The following PREX1 variants were observed in gnomAD, a reference collection of about 807,000 sequenced individuals.
The protein encoded by PREX1 is phosphatidylinositol-3,4,5-trisphosphate dependent Rac exchange factor 1, also known as phosphatidylinositol 3,4,5-trisphosphate-dependent Rac exchanger 1 protein.
In PREX1, 41 loss-of-function variants were observed where a neutral mutation model predicts 198.3. That is an observed-to-expected ratio of 0.21 (90% CI 0.16 to 0.27). The LOEUF (loss-of-function observed/expected upper bound fraction) is 0.27. Among genes scored for constraint, PREX1 ranks in the 10% least tolerant of loss-of-function variants. The pLI is 1.00. For missense variants in PREX1, 1,620 were observed against 2,200.7 expected (o/e 0.74, Z 5.28); for synonymous variants, 843 against 887.2 (o/e 0.95, Z 0.89).
rs964989048 is a variant in PREX1, at chr20:48,827,493, G to C, written c.219+149C>G. 1.9e-6 allele frequency: 1 copy of C among 513,784 alleles called. No homozygotes were observed. Among genetic ancestry groups the C allele is most frequent in the African/African-American group, 2.0e-5 (1 of 49,312 alleles). The allele number at this position is 513,784 out of a possible 1,614,324, so 31.8% of individuals were successfully genotyped here. ...GAGGCGACGCGACAGCTCTGGAGGA[G>C]CTCGGATCCCCCCCGCTTTCCGCGC... On this transcript the variant is annotated intron_variant, in intron 1 of 39. Transcript: ENST00000371941. This position sits in a 1 kb window ranked among gnomAD's most constrained non-coding sequence, Gnocchi z 4.1.
chr20:48,879,848 AT>A, the PREX1 span, among the ~76,000 whole-genome samples: 7 of 152,250 alleles, frequency 4.6e-5, no homozygotes, highest in Admixed American at 3.9e-4. Flanking sequence ...CTCTACCCTT[AT>A]TTCTACATCA....
At chr20:48,629,368 C>A in intron 37 of PREX1, 81 bp downstream of exon 37, 1 of 1,527,232 alleles carries the variant, frequency 6.5e-7, no homozygotes, top group Non-Finnish European at 8.9e-7. Flanking sequence ...AGCCTTCCTG[C>A]CTCCTTGCCA....
Position 48,666,154 on chromosome 20 carries a change from C to T in PREX1, c.1738+129G>A, listed in dbSNP as rs547929769. The T allele has an allele frequency of 6.8e-6, 6 of 878,578 alleles. No homozygotes were observed. The highest frequency in any genetic ancestry group is 2.3e-5 in the Admixed American group (1 of 43,580). The allele number at this position is 878,578 out of a possible 1,614,324, so 54.4% of individuals were successfully genotyped here. A position where few individuals can be genotyped will look rare whatever the true frequency, so the allele number is the denominator to read the frequency against. ...ACGGGAAGGGGAGGGAGGTGGGATT[C>T]GTGAGCCTCCCCAAACCCCCGGGGG... On this transcript the variant is annotated intron_variant, in intron 15 of 39. Coordinates refer to ENST00000371941, the MANE Select transcript of PREX1 (RefSeq NM_020820.4). The surrounding 1 kb of genome is among the most constrained non-coding windows in gnomAD (Gnocchi z 4.3).
At chr20:48,729,340 G>A (rs1049744348) in intron 4 of PREX1, among the ~76,000 whole-genome samples, 2 of 152,040 alleles carry the variant, frequency 1.3e-5, no homozygotes, top group Admixed American at 1.3e-4. Context: ...GCCTCCTAAA[G>A]TGCTAGGATT....
rs757433227 is a variant in PREX1 at position 48,630,798 on chromosome 20, C to G, written c.4527-4G>C. 1.3e-6 allele frequency: 2 copies of G among 1,569,954 alleles called. No homozygotes were observed. Among genetic ancestry groups the G allele is most frequent in the Non-Finnish European group, 1.8e-6 (2 of 1,140,212 alleles). ...AGACCGCTCCAGGTAAAATGCCCTG[C>G]GAGAGAAAGATGGGAATGAGGCGGG... On this transcript the variant is annotated splice_region_variant and splice_polypyrimidine_tract_variant and intron_variant, in intron 35 of 39. Coordinates refer to ENST00000371941, the MANE Select transcript of PREX1 (RefSeq NM_020820.4).
chr20:48,702,404 C>A lies in PREX1; in HGVS notation c.784-1518G>T, dbSNP rs926599509. On this transcript the variant is annotated intron_variant, in intron 6 of 39. Coordinates refer to ENST00000371941, the MANE Select transcript of PREX1 (RefSeq NM_020820.4). ...CAGAATGCCAAATGAGGCAGCCCCTCCGCTGACCCTCAATCCACGTCCCTC... is the reference window on the plus strand; with the variant it reads ...CAGAATGCCAAATGAGGCAGCCCCTACGCTGACCCTCAATCCACGTCCCTC... Among the ~76,000 whole-genome samples the A allele has an allele frequency of 5.2e-4, 79 of 152,282 alleles. 1 individual carries two copies. Among genetic ancestry groups the A allele is most frequent in the African/African-American group, 1.9e-3 (78 of 41,548 alleles).
chr20:48,791,126 G>A (rs1157175456), intron 1 of PREX1, among the ~76,000 whole-genome samples: 2 of 151,868 alleles, frequency 1.3e-5, no homozygotes, highest in Non-Finnish European at 2.9e-5. Flanking sequence ...CCAGCTAGCT[G>A]ACTTGGAACT....
At chr20:48,665,039 G>A (rs1368749701) in intron 15 of PREX1, among the ~76,000 whole-genome samples, 6 of 127,754 alleles carry the variant, frequency 4.7e-5, no homozygotes, top group Non-Finnish European at 8.1e-5. Flanking sequence ...TTCTAATCCC[G>A]ACTCCAGACG....
the PREX1 span, among the ~76,000 whole-genome samples, chr20:48,848,797 C>T: frequency 3.9e-5 from 6 of 152,106 alleles, no homozygotes; most frequent in Non-Finnish European, 7.4e-5. Flanking sequence ...AGTTCAGTGG[C>T]GGGATCTCGG....
chr20:48,761,391 G>A (rs2090179163), intron 1 of PREX1, among the ~76,000 whole-genome samples: 1 of 151,004 alleles, frequency 6.6e-6, no homozygotes, highest in South Asian at 2.1e-4. Context: ...CAGAGCCTAG[G>A]ATTGGACCCA....
chr20:48,813,692 C>T (rs1027776236), intron 1 of PREX1, among the ~76,000 whole-genome samples: 8 of 151,916 alleles, frequency 5.3e-5, no homozygotes, highest in African/African-American at 1.7e-4. Flanking sequence ...AGAGGGGGAG[C>T]GATCAAATAA....
upstream of PREX1, among the ~76,000 whole-genome samples, chr20:48,829,503 G>T (rs1029986786): frequency 6.6e-6 from 1 of 152,202 alleles, no homozygotes; most frequent in Non-Finnish European, 1.5e-5. Flanking sequence ...TCATGGGCAA[G>T]GTAGCATTTG....
chr20:48,854,575 TA>T, the PREX1 span, among the ~76,000 whole-genome samples: 12 of 151,626 alleles, frequency 7.9e-5, no homozygotes, highest in African/African-American at 2.9e-4. Flanking sequence ...AAATAAAAAC[TA>T]AAAAAAACCA....
intron 5 of PREX1, among the ~76,000 whole-genome samples, chr20:48,710,819 G>A (rs2089927135): frequency 6.6e-6 from 1 of 152,254 alleles, no homozygotes; most frequent in South Asian, 2.1e-4. Context: ...ACTCCAGGAA[G>A]GAGAAGAGCA....
At chr20:48,767,105 T>C (rs1451414061) in intron 1 of PREX1, among the ~76,000 whole-genome samples, 4 of 152,214 alleles carry the variant, frequency 2.6e-5, no homozygotes, top group South Asian at 2.1e-4. Flanking sequence ...TCCCACACTC[T>C]GTTCCCTCGT....
intron 1 of PREX1, chr20:48,821,964 G>T (rs893265816): frequency 6.6e-6 from 1 of 152,210 alleles, no homozygotes; most frequent in Non-Finnish European, 1.5e-5. Context: ...ACAACGACCT[G>T]TTGATGACTT....
intron 1 of PREX1, among the ~76,000 whole-genome samples, chr20:48,780,940 GC>G (rs1480270698): frequency 6.6e-6 from 1 of 152,108 alleles, no homozygotes; most frequent in African/African-American, 2.4e-5. Flanking sequence ...AACATCACAT[GC>G]CCCCTGATTA....
intron 14 of PREX1, among the ~76,000 whole-genome samples, chr20:48,675,785 TC>T (rs1475820435): frequency 6.6e-6 from 1 of 152,160 alleles, no homozygotes; most frequent in Non-Finnish European, 1.5e-5. Flanking sequence ...ACACCTGTAA[TC>T]CCAGTGATTT....
intron 15 of PREX1, among the ~76,000 whole-genome samples, chr20:48,663,747 G>A (rs1214713316): frequency 6.6e-6 from 1 of 152,210 alleles, no homozygotes; most frequent in East Asian, 1.9e-4. Flanking sequence ...GTGGCTCAGG[G>A]TTTTCTGAAT....
Sources: gnomAD v4.1 joint callset for allele counts (sites outside exome capture counted in the v4.1 genomes callset) on GRCh38, gnomAD v4.1.1 for gene constraint, Gnocchi (gnomAD v3.1) non-coding constraint, MANE v1.5 for transcripts, NCBI Gene and HGNC (gene_info 2026-07-23, HGNC 2026-07-21) for gene names.